ZDHHC21: variants seen among roughly 807,000 people sequenced by gnomAD.
ZDHHC21 encodes the protein palmitoyltransferase ZDHHC21.
ZDHHC21 carries 15 observed loss-of-function variants against 34.6 expected under a neutral mutation model. That is an observed-to-expected ratio of 0.43 (90% CI 0.29 to 0.67). The LOEUF is 0.67. Ranked by LOEUF, ZDHHC21 falls within the 30% of genes least tolerant of loss-of-function variation. The pLI, the probability that ZDHHC21 is intolerant of heterozygous loss-of-function variation, is 0.14. For missense variants in ZDHHC21, 344 were observed against 327.7 expected, an observed-to-expected ratio of 1.05 and a Z score of -0.38; for synonymous variants, 142 against 101.8, an observed-to-expected ratio of 1.40 and a Z score of -2.38.
chr9:14,635,511 G>A (rs1199472920), intron 8 of ZDHHC21, among the ~76,000 whole-genome samples: 1 of 152,186 alleles, frequency 6.6e-6, no homozygotes, highest in African/African-American at 2.4e-5. Flanking sequence ...TTATAGGCCA[G>A]GAGAAAATGG....
intron 5 of ZDHHC21, among the ~76,000 whole-genome samples, chr9:14,665,959 G>C (rs1275233949): frequency 8.0e-5 from 12 of 149,178 alleles, no homozygotes; most frequent in South Asian, 6.5e-4. Context: ...AAAATCACCA[G>C]CTATCATCAT....
At chr9:14,632,235 T>A (rs1228457997) in intron 8 of ZDHHC21, among the ~76,000 whole-genome samples, 1 of 152,124 alleles carries the variant, frequency 6.6e-6, no homozygotes, top group East Asian at 1.9e-4. Context: ...GGTCCTGGCA[T>A]AAAGATATCT....
intron 2 of ZDHHC21, among the ~76,000 whole-genome samples, chr9:14,686,979 A>AG (rs1838418422): frequency 1.2e-5 from 1 of 83,572 alleles, no homozygotes; most frequent in Non-Finnish European, 3.0e-5. Context: ...TCTCAAAAAA[A>AG]CAAAAAAAAA....
intron 7 of ZDHHC21, among the ~76,000 whole-genome samples, chr9:14,643,476 T>C (rs986382451): frequency 6.6e-6 from 1 of 152,214 alleles, no homozygotes; most frequent in African/African-American, 2.4e-5. Flanking sequence ...AACTACCCTA[T>C]TCACTCTCTT....
intron 5 of ZDHHC21, among the ~76,000 whole-genome samples, chr9:14,663,631 T>A (rs368263744): frequency 6.6e-6 from 1 of 152,038 alleles, no homozygotes. Flanking sequence ...TGGACTTTTA[T>A]ATAGTAAAGC....
chr9:14,683,181 A>T (rs1448070609), intron 2 of ZDHHC21, among the ~76,000 whole-genome samples: 1 of 152,190 alleles, frequency 6.6e-6, no homozygotes, highest in African/African-American at 2.4e-5. Context: ...GAAATAACTA[A>T]GATCAAAGCA....
At chr9:14,609,505 C>A (rs998161406), downstream of ZDHHC21, among the ~76,000 whole-genome samples, 1 of 152,064 alleles carries the variant, frequency 6.6e-6, no homozygotes, top group African/African-American at 2.4e-5. Context: ...AAAATTCAAG[C>A]TTTCACATGA....
intron 8 of ZDHHC21, among the ~76,000 whole-genome samples, chr9:14,625,393 G>T (rs1826026866): frequency 6.6e-6 from 1 of 151,940 alleles, no homozygotes; most frequent in Non-Finnish European, 1.5e-5. Context: ...GAACAAAAGT[G>T]AGAAGGCAAC....
chr9:14,621,029 T>C (rs1403889243), intron 8 of ZDHHC21, among the ~76,000 whole-genome samples: 1 of 152,004 alleles, frequency 6.6e-6, no homozygotes, highest in South Asian at 2.1e-4. Flanking sequence ...ATTAGGGTCT[T>C]AGAGGAAATT....
downstream of ZDHHC21, among the ~76,000 whole-genome samples, chr9:14,610,452 A>G (rs769586373): frequency 6.6e-6 from 1 of 152,042 alleles, no homozygotes; most frequent in Admixed American, 6.6e-5. Context: ...CTATCAAATA[A>G]TTTATCACTA....
the ZDHHC21 span, among the ~76,000 whole-genome samples, chr9:14,597,994 A>G: frequency 8.5e-5 from 13 of 152,082 alleles, no homozygotes; most frequent in African/African-American, 2.9e-4. Flanking sequence ...TGGTGCCCAC[A>G]CATGCTGCTT....
downstream of ZDHHC21, among the ~76,000 whole-genome samples, chr9:14,608,863 G>A (rs1031403720): frequency 6.6e-6 from 1 of 152,014 alleles, no homozygotes; most frequent in African/African-American, 2.4e-5. Flanking sequence ...AAATGATTTT[G>A]CACTCTTATA....
chr9:14,663,259 G>C (rs927693899), intron 5 of ZDHHC21, among the ~76,000 whole-genome samples: 5 of 152,104 alleles, frequency 3.3e-5, no homozygotes, highest in East Asian at 1.9e-4. Flanking sequence ...TTCATCATCT[G>C]TGTTTATACT....
chr9:14,618,865 G>A lies in ZDHHC21; in HGVS notation c.*101C>T, dbSNP rs1000051852. ...ACATTATGATGCCTAAGACTGGTGG[G>A]TGGATTTTAATTGACTTGAAGACTG... On this transcript the variant is annotated 3_prime_UTR_variant, in exon 10 of 10. Coordinates refer to ENST00000380916, the MANE Select transcript of ZDHHC21 (RefSeq NM_178566.6). 1.4e-5 allele frequency: 19 copies of A among 1,326,164 alleles called. No individual in the cohort carries two copies. The Admixed American group carries it at 2.5e-4, about 18-fold the overall frequency. 82.1% of individuals were successfully genotyped at this position (1,326,164 alleles called of 1,614,324 possible).
chr9:14,640,307 GGAAAAAA>G (rs747159790), intron 7 of ZDHHC21, among the ~76,000 whole-genome samples: 23 of 125,708 alleles, frequency 1.8e-4, no homozygotes, highest in Non-Finnish European at 1.7e-4. Context: ...CCTATTTTGG[GGAAAAAA>G]AAAAAAAAAA....
Position 14,615,372 on chromosome 9 carries a change from C to A in ZDHHC21, c.*3594G>T, listed in dbSNP as rs1035785973. ...AAAAACGCACTGATGTTAATCCTGGCAGATGTTTTAACTCAGCTGTTATAC... is the reference window on the plus strand; with the variant it reads ...AAAAACGCACTGATGTTAATCCTGGAAGATGTTTTAACTCAGCTGTTATAC... On this transcript the variant is annotated 3_prime_UTR_variant, in exon 10 of 10. Coordinates refer to ENST00000380916, the MANE Select transcript of ZDHHC21 (RefSeq NM_178566.6). 2 of 151,596 alleles carry A rather than the reference C, an allele frequency of 1.3e-5. No individual in the cohort carries two copies. Among genetic ancestry groups the A allele is most frequent in the African/African-American group, 4.8e-5 (2 of 41,378 alleles). The allele number at this position is 151,596 out of a possible 1,614,324, so 9.4% of individuals were successfully genotyped here.
rs1219252652 is a variant in ZDHHC21 at position 14,645,960 on chromosome 9, G to C, written c.505-5948C>G. Among the ~76,000 whole-genome samples the C allele has an allele frequency of 2.0e-5, 3 of 152,124 alleles. No homozygotes were observed. In the East Asian group the frequency reaches 5.8e-4, roughly 29 times the overall value. On this transcript the variant is annotated intron_variant, in intron 7 of 9. Transcript: ENST00000380916. Reference sequence around the variant, plus strand: ...GAATTCATATACTCTACTGGTAGGAGTTTAAATGGGTGCAACTATTTTGGA... The same window carrying C: ...GAATTCATATACTCTACTGGTAGGACTTTAAATGGGTGCAACTATTTTGGA...
At chr9:14,687,988 T>C (rs1483713656) in intron 2 of ZDHHC21, among the ~76,000 whole-genome samples, 1 of 150,960 alleles carries the variant, frequency 6.6e-6, no homozygotes, top group Non-Finnish European at 1.5e-5. Context: ...ACTTCTGATA[T>C]CATTCTACTC....
intron 3 of ZDHHC21, among the ~76,000 whole-genome samples, chr9:14,677,809 C>T (rs1836689557): frequency 6.6e-6 from 1 of 152,092 alleles, no homozygotes; most frequent in Admixed American, 6.6e-5. Flanking sequence ...AGGAATACCA[C>T]TATTTTTTGC....
Sources: gnomAD v4.1 joint callset for allele counts (sites outside exome capture counted in the v4.1 genomes callset) on GRCh38, gnomAD v4.1.1 for gene constraint, MANE v1.5 for transcripts, NCBI Gene and HGNC (gene_info 2026-07-23, HGNC 2026-07-21) for gene names.